Variants in PES1 observed in about 807,000 individuals in gnomAD.
PES1 encodes the protein pescadillo ribosomal biogenesis factor 1.
A neutral mutation model predicts 77.1 loss-of-function variants in PES1; 31 were observed. That is an observed-to-expected ratio of 0.40 (90% confidence interval 0.30 to 0.54). The LOEUF (loss-of-function observed/expected upper bound fraction) is 0.54, where lower values mean the gene tolerates loss of function less well. PES1 is among the 20% of genes least tolerant of loss of function. PES1 has a pLI of 0.45. For missense variants in PES1, 658 were observed against 771.7 expected, an observed-to-expected ratio of 0.85 and a Z score of 1.75; for synonymous variants, 282 against 303.0, an observed-to-expected ratio of 0.93 and a Z score of 0.72.
chr22:30,586,113 A>G (rs1480522365), intron 4 of PES1, among the ~76,000 whole-genome samples: 1 of 152,244 alleles, frequency 6.6e-6, no homozygotes, highest in African/African-American at 2.4e-5. Flanking sequence ...GGGATGGTGT[A>G]GTATGAGATC....
chr22:30,582,697 A>T (rs569758265), intron 6 of PES1, among the ~76,000 whole-genome samples: 1 of 152,260 alleles, frequency 6.6e-6, no homozygotes, highest in South Asian at 2.1e-4. Flanking sequence ...CTGCTGCCAG[A>T]CAGTGACCTG....
chr22:30,583,773 A>G (rs1181444158), intron 6 of PES1, among the ~76,000 whole-genome samples: 1 of 152,244 alleles, frequency 6.6e-6, no homozygotes, highest in Non-Finnish European at 1.5e-5. Context: ...TAAAAGAAAA[A>G]GAAAACAATA....
chr22:30,589,202 C>A lies in PES1; in HGVS notation c.93G>T (p.Leu31Phe). Residue 31 changes from leucine (L) to phenylalanine (F), a missense_variant, in exon 2 of 15, where the codon TTG becomes TTT. Coordinates refer to ENST00000354694, the MANE Select transcript of PES1 (RefSeq NM_014303.4). ...CCCTCTATATTCACCTAAAGTCAGCCAAGCTCAGCTGGAGCTTCTTCCGGG... is the reference window on the plus strand; with the variant it reads ...CCCTCTATATTCACCTAAAGTCAGCAAAGCTCAGCTGGAGCTTCTTCCGGG... ...NKARKKLQLS[L>F]ADFRRLCILK... 1 of 1,613,794 alleles carries A rather than the reference C, an allele frequency of 6.2e-7. No individual in the cohort carries two copies. The highest frequency in any genetic ancestry group is 1.1e-5 in the South Asian group (1 of 91,002).
chr22:30,581,910 C>A (rs1159397877), intron 6 of PES1, among the ~76,000 whole-genome samples: 1 of 152,152 alleles, frequency 6.6e-6, no homozygotes, highest in Non-Finnish European at 1.5e-5. Context: ...CAGTGCCAGA[C>A]CCCCATAAAA....
upstream of PES1, among the ~76,000 whole-genome samples, chr22:30,593,448 C>T (rs2087211908): frequency 6.6e-6 from 1 of 151,894 alleles, no homozygotes; most frequent in African/African-American, 2.4e-5. Flanking sequence ...GATTGTGCCA[C>T]TGCACTCTGC....
chr22:30,581,610 G>A lies in PES1; in HGVS notation c.665C>T (p.Thr222Ile), dbSNP rs2086989425. The A allele has an allele frequency of 6.2e-7, 1 of 1,613,352 alleles. No individual in the cohort carries two copies. Among genetic ancestry groups the A allele is most frequent in the Non-Finnish European group, 8.5e-7 (1 of 1,179,832 alleles). The stretch of plus-strand genomic sequence containing the variant: ...CAGCGTGGTGTAGAACTCGGTGAAG[G>A]TGGCCATGACCCTGTAGTCCACGTC... The part of the protein sequence containing the change: ...PTDVDYRVMA[T>I]FTEFYTTLLG... The change falls in exon 7 of 15, where the codon ACC becomes ATC. Residue 222 changes from threonine to isoleucine, a missense_variant. By Grantham distance (89) the Thr-to-Ile change is moderately conservative. Transcript: ENST00000354694.
Position 30,579,885 on chromosome 22 carries a change from A to T in PES1, c.1220T>A (p.Leu407His), listed in dbSNP as rs753803904. Residue 407 changes from leucine (L) to histidine (H), a missense_variant, in exon 12 of 15, where the codon CTT (leucine) becomes CAT (histidine). By Grantham distance (99) the Leu-to-His change is moderately conservative (BLOSUM62 -3). Coordinates refer to ENST00000354694, the MANE Select transcript of PES1 (RefSeq NM_014303.4). Reference protein sequence around the residue: ...WVFDSVNARLLLPVAEYFSGV... With the variant: ...WVFDSVNARLHLPVAEYFSGV... ...AGAGAAGTACTCTGCCACGGGGAGA[A>T]GGAGCCTGGCGTTCACTGAGTCAAA... 7 of 1,614,040 alleles carry T rather than the reference A, an allele frequency of 4.3e-6. No individual in the cohort carries two copies. The highest frequency in any genetic ancestry group is 5.1e-6 in the Non-Finnish European group (6 of 1,180,026).
At chr22:30,602,963 T>G (rs2087380411) in intron 2 of PES1, among the ~76,000 whole-genome samples, 1 of 152,006 alleles carries the variant, frequency 6.6e-6, no homozygotes, top group African/African-American at 2.4e-5. Flanking sequence ...CAGGCTGGAG[T>G]GCAGTGGCGT....
chr22:30,577,138 G>T lies in PES1; in HGVS notation c.1684-9C>A. ...TCCGCCAGCTTGTTGGCCTGTGAGG[G>T]GGAAGGCGAAGGTCAGGCTGAGGTA... On this transcript the variant is annotated splice_polypyrimidine_tract_variant and intron_variant, in intron 14 of 14. Coordinates refer to ENST00000354694, the MANE Select transcript of PES1 (RefSeq NM_014303.4). 1 of 1,613,062 alleles carries T rather than the reference G, an allele frequency of 6.2e-7. No homozygotes were observed. Among genetic ancestry groups the T allele is most frequent in the Non-Finnish European group, 8.5e-7 (1 of 1,179,608 alleles).
intron 9 of PES1, 131 bp downstream of exon 9, chr22:30,580,881 A>T: frequency 8.6e-7 from 1 of 1,164,340 alleles, no homozygotes; most frequent in African/African-American, 1.5e-5. Flanking sequence ...ATGACAATTC[A>T]GCCCATTCTT....
intron 8 of PES1, 107 bp from the exon 9 acceptor site, chr22:30,581,208 C>T: frequency 7.4e-7 from 1 of 1,356,124 alleles, no homozygotes; most frequent in Non-Finnish European, 1.0e-6. Flanking sequence ...GGTGTGGGTT[C>T]CAAGGGCAGG....
chr22:30,603,540 C>T (rs1489864989), intron 2 of PES1, among the ~76,000 whole-genome samples: 2 of 151,878 alleles, frequency 1.3e-5, no homozygotes, highest in African/African-American at 4.8e-5. Flanking sequence ...TGCCACCATG[C>T]CCGGCTAATT....
chr22:30,587,984 G>C, intron 3 of PES1, 37 bp downstream of exon 3: 1 of 1,605,874 alleles, frequency 6.2e-7, no homozygotes, highest in Non-Finnish European at 8.5e-7. Flanking sequence ...ACAGAGCTGC[G>C]ATGAGAACCT....
chr22:30,597,875 A>G (rs1314969365), intron 2 of PES1, among the ~76,000 whole-genome samples: 9 of 135,012 alleles, frequency 6.7e-5, no homozygotes, highest in Admixed American at 2.4e-4. Flanking sequence ...CACGCAGTTG[A>G]AGTTTTGTTT....
chr22:30,584,205 G>A, intron 6 of PES1, 160 bp downstream of exon 6: 1 of 640,052 alleles, frequency 1.6e-6, no homozygotes, highest in Non-Finnish European at 2.8e-6. Context: ...CGCTCTTAAT[G>A]AGGATGCTGT....
At position 30,579,118 on chromosome 22, in the gene PES1, G is replaced by A. The variant is rs376688969; in HGVS notation, c.1521+19C>T. 257 of 1,607,134 alleles carry A rather than the reference G, an allele frequency of 1.6e-4. No homozygotes were observed. Among genetic ancestry groups the A allele is most frequent in the Non-Finnish European group, 2.0e-4 (235 of 1,179,704 alleles). On this transcript the variant is annotated intron_variant, in intron 13 of 14. Coordinates refer to ENST00000354694, the MANE Select transcript of PES1 (RefSeq NM_014303.4). ...AGGGCTGCTTCCCAGGCCAAGCCCCGCATTGCAGCTCCCCCTACCTTCCCC... is the reference window on the plus strand; with the variant it reads ...AGGGCTGCTTCCCAGGCCAAGCCCCACATTGCAGCTCCCCCTACCTTCCCC...
At position 30,598,884 on chromosome 22, in the gene PES1, A is replaced by AT. The variant is rs1569031688; in HGVS notation, c.-660-6487_-660-6486insA. 6.5e-5 allele frequency among the ~76,000 whole-genome samples: 3 copies of AT among 46,258 alleles called. 1 individual carries two copies. The highest frequency in any genetic ancestry group is 2.9e-4 in the Admixed American group (1 of 3,446). The allele number at this position is 46,258 out of a possible 152,430, so 30.3% of individuals were successfully genotyped here. A position where few individuals can be genotyped will look rare whatever the true frequency, so the allele number is the denominator to read the frequency against. The stretch of plus-strand genomic sequence containing the variant: ...TTTCAAGTTTATGTGACTTAAGTAA[A>AT]ATTTTTTTTTTTTTTTTTTTTTTTT... On this transcript the variant is annotated intron_variant, in intron 2 of 16. Transcript: ENST00000402281.
At chr22:30,599,263 A>G (rs1374185220) in intron 2 of PES1, among the ~76,000 whole-genome samples, 1 of 150,440 alleles carries the variant, frequency 6.6e-6, no homozygotes, top group Non-Finnish European at 1.5e-5. Context: ...AAATGTCTTC[A>G]AAATTGTTAA....
chr22:30,587,916 A>G (rs2087116357), intron 3 of PES1, 105 bp downstream of exon 3: 1 of 1,147,860 alleles, frequency 8.7e-7, no homozygotes, highest in Non-Finnish European at 1.3e-6. Flanking sequence ...TGCCCTCTGT[A>G]TAGGCTTACT....
Sources: gnomAD v4.1 joint callset for allele counts (sites outside exome capture counted in the v4.1 genomes callset) on GRCh38, gnomAD v4.1.1 for gene constraint, MANE v1.5 for transcripts, NCBI Gene and HGNC (gene_info 2026-07-23, HGNC 2026-07-21) for gene names.